The following PTBP3 variants were observed in gnomAD, a reference collection of about 807,000 sequenced individuals.
PTBP3 encodes polypyrimidine tract-binding protein 3.
PTBP3 carries 20 observed loss-of-function variants against 58.7 expected under a neutral mutation model. The ratio of observed to expected loss-of-function variants is 0.34; its 90% CI spans 0.24 to 0.50. PTBP3 has a LOEUF of 0.50. PTBP3 is among the 20% of genes least tolerant of loss of function. The probability of loss-of-function intolerance (pLI) is 0.98; values close to 1 mark genes in which losing one functional copy is unlikely to be tolerated. For synonymous variants in PTBP3, 185 were observed against 219.8 expected (o/e 0.84, Z 1.40); for missense variants, 509 against 637.2 (o/e 0.80, Z 2.17).
intron 2 of PTBP3, among the ~76,000 whole-genome samples, chr9:112,295,102 C>T (rs571140561): frequency 4.6e-5 from 7 of 151,928 alleles, no homozygotes; most frequent in African/African-American, 1.4e-4. Context: ...TAGCCCGGCA[C>T]GGTGGCAGGC....
chr9:112,336,952 A>C (rs1830582077), upstream of PTBP3, among the ~76,000 whole-genome samples: 1 of 152,238 alleles, frequency 6.6e-6, no homozygotes, highest in Non-Finnish European at 1.5e-5. Flanking sequence ...AGAAAACAGA[A>C]AACAGTTTAC....
intron 7 of PTBP3, among the ~76,000 whole-genome samples, chr9:112,240,583 A>G (rs1195618432): frequency 6.6e-6 from 1 of 151,388 alleles, no homozygotes; most frequent in Non-Finnish European, 1.5e-5. Flanking sequence ...TACATACTAT[A>G]CTTTTATTAT....
At chr9:112,313,542 G>A (rs951375370) in intron 1 of PTBP3, among the ~76,000 whole-genome samples, 5 of 152,150 alleles carry the variant, frequency 3.3e-5, no homozygotes, top group African/African-American at 1.2e-4. Flanking sequence ...GGCTTAGCTA[G>A]GTCCTCTGGA....
intron 2 of PTBP3, among the ~76,000 whole-genome samples, chr9:112,294,890 C>T (rs1255783298): frequency 1.3e-5 from 2 of 152,110 alleles, no homozygotes; most frequent in African/African-American, 2.4e-5. Context: ...AATTCCCATT[C>T]AATAATAGCA....
intron 3 of PTBP3, among the ~76,000 whole-genome samples, chr9:112,274,086 C>G (rs1403477358): frequency 6.6e-6 from 1 of 152,138 alleles, no homozygotes; most frequent in East Asian, 1.9e-4. Context: ...GTTAAAATAA[C>G]GATCTAACTG....
intron 9 of PTBP3, 130 bp from the exon 10 acceptor site, chr9:112,231,543 G>T: frequency 1.6e-6 from 1 of 639,428 alleles, no homozygotes; most frequent in Non-Finnish European, 2.5e-6. Flanking sequence ...GTATATACTA[G>T]TGATGAATTT....
intron 3 of PTBP3, among the ~76,000 whole-genome samples, chr9:112,271,852 T>C (rs912205671): frequency 2.0e-5 from 3 of 152,200 alleles, no homozygotes; most frequent in Non-Finnish European, 4.4e-5. Flanking sequence ...ATCTGAGAAC[T>C]TCCTACCCTG....
upstream of PTBP3, among the ~76,000 whole-genome samples, chr9:112,337,092 C>T (rs1284184026): frequency 6.6e-6 from 1 of 152,156 alleles, no homozygotes; most frequent in Non-Finnish European, 1.5e-5. Context: ...TGCAGTAGCG[C>T]GATCTCAGCT....
the PTBP3 span, among the ~76,000 whole-genome samples, chr9:112,345,661 G>A: frequency 4.6e-5 from 7 of 151,832 alleles, no homozygotes; most frequent in East Asian, 7.7e-4. Context: ...GATTACAGGC[G>A]TAAGCCACAA....
intron 1 of PTBP3, among the ~76,000 whole-genome samples, chr9:112,304,726 T>C (rs913313650): frequency 1.3e-5 from 2 of 152,216 alleles, no homozygotes; most frequent in Non-Finnish European, 2.9e-5. Context: ...TCACTTTGCC[T>C]GGCTGATTTT....
chr9:112,349,629 C>T, the PTBP3 span, among the ~76,000 whole-genome samples: 8 of 151,842 alleles, frequency 5.3e-5, no homozygotes, highest in African/African-American at 1.9e-4. Flanking sequence ...GTGGCTGAGG[C>T]GGGTGGATCA....
At chr9:112,345,888 T>G in the PTBP3 span, among the ~76,000 whole-genome samples, 1 of 152,016 alleles carries the variant, frequency 6.6e-6, no homozygotes, top group South Asian at 2.1e-4. Context: ...AGAGTCTCGC[T>G]CTGTTGCCCA....
chr9:112,345,810 T>A, the PTBP3 span, among the ~76,000 whole-genome samples: 1 of 152,138 alleles, frequency 6.6e-6, no homozygotes, highest in Non-Finnish European at 1.5e-5. Flanking sequence ...TGAAGTCAAA[T>A]AATCAAGAAA....
chr9:112,377,376 T>C, the PTBP3 span, among the ~76,000 whole-genome samples: 1 of 151,946 alleles, frequency 6.6e-6, no homozygotes, highest in African/African-American at 2.4e-5. Context: ...ACGAAACACA[T>C]TGTACTAGAC....
intron 4 of PTBP3, among the ~76,000 whole-genome samples, chr9:112,264,513 T>C (rs1296393051): frequency 1.3e-5 from 2 of 152,158 alleles, no homozygotes; most frequent in African/African-American, 2.4e-5. Context: ...AAAAGTAAAG[T>C]GCATATTTTG....
chr9:112,270,272 C>T (rs911871292), intron 3 of PTBP3, among the ~76,000 whole-genome samples: 1 of 152,214 alleles, frequency 6.6e-6, no homozygotes, highest in African/African-American at 2.4e-5. Context: ...CCAATTAACA[C>T]CCATGTTACA....
At chr9:112,233,196 C>T (rs983161986) in intron 8 of PTBP3, among the ~76,000 whole-genome samples, 2 of 151,598 alleles carry the variant, frequency 1.3e-5, no homozygotes, top group African/African-American at 4.8e-5. Flanking sequence ...CCAGTCCAAC[C>T]CTGACTTTTG....
chr9:112,269,559 G>C (rs542702515), intron 3 of PTBP3, among the ~76,000 whole-genome samples: 1 of 152,294 alleles, frequency 6.6e-6, no homozygotes, highest in Admixed American at 6.5e-5. Flanking sequence ...TAAAATCTAT[G>C]CCTGGCTATG....
At chr9:112,254,950 A>G (rs1836286468) in intron 5 of PTBP3, among the ~76,000 whole-genome samples, 1 of 152,222 alleles carries the variant, frequency 6.6e-6, no homozygotes, top group South Asian at 2.1e-4. Context: ...CAAAATAGCC[A>G]AAACAGGAAG....
Sources: gnomAD v4.1 joint callset for allele counts (sites outside exome capture counted in the v4.1 genomes callset) on GRCh38, gnomAD v4.1.1 for gene constraint, MANE v1.5 for transcripts, NCBI Gene and HGNC (gene_info 2026-07-23, HGNC 2026-07-21) for gene names.